Variants in FOXM1 observed in about 807,000 individuals in gnomAD.
The protein encoded by FOXM1 is forkhead box protein M1.
Under a neutral mutation model 63.6 loss-of-function variants are expected in FOXM1, and 25 were observed. The observed-to-expected ratio is 0.39, with a 90% CI of 0.29 to 0.55. The LOEUF is 0.55. Ranked by LOEUF, FOXM1 falls within the 20% of genes least tolerant of loss-of-function variation. FOXM1 has a pLI of 0.60. For missense variants in FOXM1, 879 were observed against 958.7 expected (o/e 0.92, Z 1.10); for synonymous variants, 387 against 376.9 (o/e 1.03, Z -0.31).
Position 2,859,635 on chromosome 12 carries a change from G to T in FOXM1, c.1295C>A (p.Pro432His). Residue 432 changes from proline to histidine, a missense_variant, in exon 9 of 9, where the codon CCT becomes CAT. Transcript: ENST00000359843. ...TTTCCCTGGTCCTGCAGAAGAAAGA[G>T]GAGCTATCCCCTCCTCAGCTAGCAG... ...KVLLAEEGIA[P>H]LSSAGPGKEE... The T allele has an allele frequency of 6.2e-7, 1 of 1,610,916 alleles. No homozygotes were observed. Among genetic ancestry groups the T allele is most frequent in the Non-Finnish European group, 8.5e-7 (1 of 1,179,188 alleles).
chr12:2,873,506 A>T (rs2098136761), intron 2 of FOXM1, among the ~76,000 whole-genome samples: 1 of 151,710 alleles, frequency 6.6e-6, no homozygotes, highest in Non-Finnish European at 1.5e-5. Flanking sequence ...TGAGCTCAGG[A>T]GTCCGAGACC....
chr12:2,870,919 C>T (rs1287660088), intron 3 of FOXM1, among the ~76,000 whole-genome samples: 5 of 134,834 alleles, frequency 3.7e-5, no homozygotes, highest in Admixed American at 8.7e-5. Flanking sequence ...AATCGCAGCA[C>T]TGCACTCCAG....
intron 8 of FOXM1, chr12:2,863,683 C>T (rs1016663445): frequency 1.3e-5 from 2 of 151,834 alleles, no homozygotes; most frequent in Admixed American, 6.6e-5. Flanking sequence ...GTGAGACCCA[C>T]AGCGTCTAGC....
intron 4 of FOXM1, among the ~76,000 whole-genome samples, chr12:2,867,479 T>C (rs1357786569): frequency 6.6e-6 from 1 of 151,802 alleles, no homozygotes; most frequent in Non-Finnish European, 1.5e-5. Context: ...AGTAAGCTGA[T>C]GGAAGGGAGT....
chr12:2,863,539 C>G (rs1407794290), intron 8 of FOXM1, among the ~76,000 whole-genome samples: 1 of 151,810 alleles, frequency 6.6e-6, no homozygotes, highest in African/African-American at 2.4e-5. Context: ...CAGGCATGTA[C>G]TACCACCGTG....
rs2098119817 is a variant in FOXM1 at position 2,864,627 on chromosome 12, T to A, written c.1090+56A>T. 1 of 1,602,218 alleles carries A rather than the reference T, an allele frequency of 6.2e-7. No homozygotes were observed. The highest frequency in any genetic ancestry group is 1.3e-5 in the African/African-American group (1 of 74,650). ...AACAGAATCCCAGAGTCTGGTTCCC[T>A]AAAGATATGGCCCCAGAACAAGGAC... On this transcript the variant is annotated intron_variant, in intron 7 of 8. Transcript: ENST00000359843. The surrounding 1 kb of genome is among the most constrained non-coding windows in gnomAD (Gnocchi z 5.1).
Position 2,872,988 on chromosome 12 carries a change from AG to A in FOXM1, c.503-742del, listed in dbSNP as rs2098135758. Among the ~76,000 whole-genome samples, 1 of 152,168 alleles carries A rather than the reference AG, an allele frequency of 6.6e-6. No individual in the cohort carries two copies. Among genetic ancestry groups the A allele is most frequent in the Non-Finnish European group, 1.5e-5 (1 of 68,034 alleles). On this transcript the variant is annotated intron_variant, in intron 2 of 8. Coordinates refer to ENST00000359843, the MANE Select transcript of FOXM1 (RefSeq NM_021953.4). The surrounding 1 kb of genome is among the most constrained non-coding windows in gnomAD (Gnocchi z 4.0). ...AGAATGGCTTGAGTCCAGGCATTCG[AG>A]GCTAGAGTGAGCCGTGATTGCGCCA...
intron 8 of FOXM1, among the ~76,000 whole-genome samples, chr12:2,862,144 A>C (rs1020176400): frequency 1.3e-4 from 20 of 149,402 alleles, no homozygotes; most frequent in African/African-American, 4.7e-4. Flanking sequence ...ATGCCATTGC[A>C]CTCCAGCCTG....
chr12:2,868,430 TAA>T, intron 4 of FOXM1, 131 bp downstream of exon 4: 1 of 656,524 alleles, frequency 1.5e-6, no homozygotes, highest in Non-Finnish European at 2.6e-6. Flanking sequence ...AGTCACAATC[TAA>T]AAGATACATT....
rs78446739 is a variant in FOXM1 at position 2,866,087 on chromosome 12, C to T, written c.975+306G>A. The stretch of plus-strand genomic sequence containing the variant: ...AGCCCCAAGAGAGGGGTCTGGGAAG[C>T]TGTGTTTTAACAATGTCCCAGGCAA... On this transcript the variant is annotated intron_variant, in intron 5 of 8. Transcript: ENST00000359843. Among the ~76,000 whole-genome samples, 103 of 152,324 alleles carry T rather than the reference C, an allele frequency of 6.8e-4. 1 individual carries two copies. The East Asian group carries it at 0.019, about 28-fold the overall frequency.
Position 2,874,260 on chromosome 12 carries a change from C to T in FOXM1, c.219G>A (p.Thr73=), listed in dbSNP as rs1186093036. 1.2e-6 allele frequency: 2 copies of T among 1,614,082 alleles called. No individual in the cohort carries two copies. The highest frequency in any genetic ancestry group is 1.7e-6 in the Non-Finnish European group (2 of 1,180,032). ...KIINHPTMPN[T]QVVAIPNNAN... is the part of the protein sequence containing the mutation. ...CATTGTTGGGGATGGCCACTACTTG[C>T]GTGTTGGGCATGGTGGGGTGGTTAA... The change falls in exon 2 of 9, where the codon ACG becomes ACA. Residue 73 remains threonine (T), a synonymous_variant. Transcript: ENST00000359843. The surrounding 1 kb of genome is among the most constrained non-coding windows in gnomAD (Gnocchi z 4.3).
intron 2 of FOXM1, among the ~76,000 whole-genome samples, chr12:2,873,751 T>A (rs1353635652): frequency 1.3e-5 from 2 of 151,948 alleles, no homozygotes; most frequent in East Asian, 3.9e-4. Context: ...CTAGTTTTTT[T>A]ATATTTTTAG....
At chr12:2,862,104 A>G (rs566840128) in intron 8 of FOXM1, among the ~76,000 whole-genome samples, 1 of 151,392 alleles carries the variant, frequency 6.6e-6, no homozygotes, top group Non-Finnish European at 1.5e-5. Context: ...GCTTGAACCC[A>G]GGAGGCGGAG....
At chr12:2,869,671 A>C (rs1486489878) in intron 3 of FOXM1, among the ~76,000 whole-genome samples, 1 of 151,840 alleles carries the variant, frequency 6.6e-6, no homozygotes, top group East Asian at 1.9e-4. Flanking sequence ...TCCTGACCTC[A>C]GGTGATCCAC....
In FOXM1 at chr12:2,858,945, G is replaced by A; in HGVS notation, c.1985C>T (p.Thr662Ile). The A allele has an allele frequency of 6.2e-7, 1 of 1,613,722 alleles. No individual in the cohort carries two copies. The change falls in exon 9 of 9, where the codon ACT (threonine) becomes ATT (isoleucine). Residue 662 changes from threonine (T) to isoleucine (I), a missense_variant. Physicochemically the swap from Thr to Ile is moderately conservative, Grantham distance 89. Coordinates refer to ENST00000359843, the MANE Select transcript of FOXM1 (RefSeq NM_021953.4). ...DPLGLMDLSTTPLQSAPPLES... is the reference protein window; with the variant it reads ...DPLGLMDLSTIPLQSAPPLES... ...AAGGGGGGGAGCACTTTGCAAGGGA[G>A]TGGTGCTGAGATCCATCAGCCCCAG...
chr12:2,874,355 T>G lies in FOXM1; in HGVS notation c.124A>C (p.Asn42His). 6.2e-7 allele frequency: 1 copy of G among 1,614,144 alleles called. No individual in the cohort carries two copies. The change falls in exon 2 of 9, where the codon AAT becomes CAT. Residue 42 changes from asparagine to histidine, a missense_variant. By Grantham distance (68) the Asn-to-His change is moderately conservative. Transcript: ENST00000359843. The surrounding 1 kb of genome is among the most constrained non-coding windows in gnomAD (Gnocchi z 4.3). Reference protein sequence around the residue: ...PKRSPAQQESNQAEASKEVAE... With the variant: ...PKRSPAQQESHQAEASKEVAE... ...ACTTCCTTGGAGGCCTCTGCTTGAT[T>G]AGACTCCTGTTGGGCAGGGGATCTC...
At chr12:2,870,774 C>T (rs1243423412) in intron 3 of FOXM1, among the ~76,000 whole-genome samples, 3 of 151,482 alleles carry the variant, frequency 2.0e-5, no homozygotes, top group African/African-American at 7.3e-5. Flanking sequence ...GCCTGGCCAA[C>T]ATAGTGAAAC....
chr12:2,868,425 C>T, intron 4 of FOXM1, 138 bp downstream of exon 4: 1 of 629,868 alleles, frequency 1.6e-6, no homozygotes, highest in Non-Finnish European at 2.7e-6. Context: ...GATTGAGTCA[C>T]AATCTAAAAG....
At chr12:2,862,699 TAA>T (rs752051408) in intron 8 of FOXM1, among the ~76,000 whole-genome samples, 4,618 of 144,304 alleles carry the variant, frequency 0.032, 89 homozygotes, top group Non-Finnish European at 0.046. Context: ...CCTGGCTAAT[TAA>T]AAAAAAATTT....
Sources: gnomAD v4.1 joint callset for allele counts (sites outside exome capture counted in the v4.1 genomes callset) on GRCh38, gnomAD v4.1.1 for gene constraint, Gnocchi (gnomAD v3.1) non-coding constraint, MANE v1.5 for transcripts, NCBI Gene and HGNC (gene_info 2026-07-23, HGNC 2026-07-21) for gene names.